The following DLG2 variants were observed in gnomAD, a reference collection of about 807,000 sequenced individuals.
The protein encoded by DLG2 is discs large MAGUK scaffold protein 2.
DLG2 carries 45 observed loss-of-function variants against 132.5 expected under a neutral mutation model. The observed-to-expected ratio is 0.34, with a 90% CI of 0.27 to 0.44. The LOEUF (loss-of-function observed/expected upper bound fraction) is 0.44. Among genes scored for constraint, DLG2 ranks in the 20% least tolerant of loss-of-function variants. The probability of loss-of-function intolerance (pLI) is 1.00; values close to 1 mark genes in which losing one functional copy is unlikely to be tolerated. For synonymous variants in DLG2, 424 were observed against 419.6 expected (o/e 1.01, Z -0.13); for missense variants, 1,045 against 1,196.9 (o/e 0.87, Z 1.87).
chr11:84,193,031 A>G (rs2096444488), intron 8 of DLG2, among the ~76,000 whole-genome samples: 1 of 152,218 alleles, frequency 6.6e-6, no homozygotes, highest in South Asian at 2.1e-4. Flanking sequence ...AGTGATTTTT[A>G]TATCTGCTGA....
rs186944303 is a variant in DLG2 at position 84,020,393 on chromosome 11, C to G, written c.919+38922G>C. ...TATACATTCATGTTGTCACTACATA[C>G]TTACATACATACATACAAACAGGTA... On this transcript the variant is annotated intron_variant, in intron 11 of 27. Coordinates refer to ENST00000376104, the MANE Select transcript of DLG2 (RefSeq NM_001142699.3). Among the ~76,000 whole-genome samples the G allele has an allele frequency of 2.0e-5, 3 of 152,108 alleles. No homozygotes were observed. In the East Asian group the frequency reaches 5.8e-4, roughly 29 times the overall value.
chr11:84,552,782 C>T (rs1251302915), intron 6 of DLG2, among the ~76,000 whole-genome samples: 7 of 152,134 alleles, frequency 4.6e-5, no homozygotes, highest in Admixed American at 2.0e-4. Context: ...ATATACTCTC[C>T]ATCAACCAAT....
chr11:83,907,930 T>C (rs1432990542), intron 15 of DLG2, among the ~76,000 whole-genome samples: 1 of 152,168 alleles, frequency 6.6e-6, no homozygotes, highest in Non-Finnish European at 1.5e-5. Flanking sequence ...CACCCTTGCC[T>C]AAGTTCAACT....
chr11:85,131,420 G>C (rs1342215017), intron 5 of DLG2, among the ~76,000 whole-genome samples: 3 of 151,898 alleles, frequency 2.0e-5, no homozygotes, highest in African/African-American at 7.2e-5. Context: ...GTAACACAAG[G>C]GTAACACCTC....
chr11:84,396,680 G>C (rs186022409), intron 7 of DLG2, among the ~76,000 whole-genome samples: 5 of 152,284 alleles, frequency 3.3e-5, no homozygotes, highest in Admixed American at 6.5e-5. Flanking sequence ...CTCTTTCCTG[G>C]TGCAGATGAG....
intron 3 of DLG2, among the ~76,000 whole-genome samples, chr11:85,509,368 C>G (rs574212747): frequency 2.0e-5 from 3 of 152,056 alleles, no homozygotes; most frequent in Non-Finnish European, 4.4e-5. Flanking sequence ...TTTTTGGAAC[C>G]TAAAGGAATT....
At chr11:83,898,111 C>T (rs1298579827) in intron 15 of DLG2, among the ~76,000 whole-genome samples, 1 of 151,988 alleles carries the variant, frequency 6.6e-6, no homozygotes, top group African/African-American at 2.4e-5. Context: ...TCAAAATTTG[C>T]AGATAAAAGT....
intron 6 of DLG2, among the ~76,000 whole-genome samples, chr11:84,916,201 T>G (rs975078793): frequency 5.3e-5 from 8 of 150,168 alleles, no homozygotes; most frequent in Non-Finnish European, 1.2e-4. Flanking sequence ...AAAAAAAAAT[T>G]AGCCGGGCGT....
chr11:83,738,060 GA>G (rs1368036666), intron 18 of DLG2, among the ~76,000 whole-genome samples: 3 of 152,180 alleles, frequency 2.0e-5, no homozygotes, highest in African/African-American at 7.2e-5. Context: ...GATAGCTTAT[GA>G]AACAGGGTTA....
At chr11:83,803,783 T>A (rs777132421) in intron 17 of DLG2, among the ~76,000 whole-genome samples, 5 of 152,158 alleles carry the variant, frequency 3.3e-5, no homozygotes, top group Non-Finnish European at 5.9e-5. Flanking sequence ...GAAGGAATAA[T>A]GCTGCCTCCA....
intron 3 of DLG2, among the ~76,000 whole-genome samples, chr11:85,536,953 C>A (rs1475281956): frequency 6.6e-6 from 1 of 152,174 alleles, no homozygotes; most frequent in African/African-American, 2.4e-5. Context: ...GCTTCTGGGA[C>A]AGGTGGGGAC....
At chr11:84,349,084 G>T (rs1252169222) in intron 7 of DLG2, among the ~76,000 whole-genome samples, 1 of 152,124 alleles carries the variant, frequency 6.6e-6, no homozygotes, top group Non-Finnish European at 1.5e-5. Flanking sequence ...TTTTGGAAAA[G>T]TTTTTCAATT....
intron 20 of DLG2, among the ~76,000 whole-genome samples, chr11:83,537,571 T>G (rs1210528619): frequency 6.6e-6 from 1 of 151,830 alleles, no homozygotes; most frequent in Non-Finnish European, 1.5e-5. Flanking sequence ...TCCCAGCATT[T>G]TGGGAGGCCG....
At chr11:85,202,464 A>T (rs1170875720) in intron 4 of DLG2, among the ~76,000 whole-genome samples, 1 of 152,156 alleles carries the variant, frequency 6.6e-6, no homozygotes, top group East Asian at 1.9e-4. Flanking sequence ...TTAGCACCCT[A>T]TTTTCAGCAA....
chr11:85,392,626 T>C (rs1015549755), intron 3 of DLG2, among the ~76,000 whole-genome samples: 8 of 152,126 alleles, frequency 5.3e-5, no homozygotes, highest in Non-Finnish European at 1.0e-4. Flanking sequence ...AACAGGCATA[T>C]AGACCAATGG....
chr11:85,399,849 A>G (rs2087861016), intron 3 of DLG2, among the ~76,000 whole-genome samples: 1 of 152,166 alleles, frequency 6.6e-6, no homozygotes, highest in African/African-American at 2.4e-5. Context: ...CCTAGGCATT[A>G]CCATTCAGGA....
chr11:85,152,682 C>T (rs1381383123), intron 5 of DLG2, among the ~76,000 whole-genome samples: 2 of 152,192 alleles, frequency 1.3e-5, no homozygotes, highest in East Asian at 1.9e-4. Context: ...TGCCCAAGAA[C>T]ATTCAAATAG....
chr11:84,440,006 A>G (rs2099012782), intron 7 of DLG2, among the ~76,000 whole-genome samples: 1 of 152,190 alleles, frequency 6.6e-6, no homozygotes, highest in South Asian at 2.1e-4. Flanking sequence ...CATTCTCTTC[A>G]TGAGTTAAAA....
intron 6 of DLG2, among the ~76,000 whole-genome samples, chr11:84,938,862 A>G (rs1490480970): frequency 1.3e-5 from 2 of 152,210 alleles, no homozygotes; most frequent in African/African-American, 2.4e-5. Context: ...TCTAAAATAT[A>G]GATAAATTAT....
Sources: gnomAD v4.1 joint callset for allele counts (sites outside exome capture counted in the v4.1 genomes callset) on GRCh38, gnomAD v4.1.1 for gene constraint, MANE v1.5 for transcripts, NCBI Gene and HGNC (gene_info 2026-07-23, HGNC 2026-07-21) for gene names.